The following CCDC192 variants were observed in gnomAD, a reference collection of about 807,000 sequenced individuals.
CCDC192 encodes coiled-coil domain-containing protein 192.
chr5:127,746,105 G>A (rs1192735660), intron 2 of CCDC192, among the ~76,000 whole-genome samples: 1 of 152,238 alleles, frequency 6.6e-6, no homozygotes, highest in Non-Finnish European at 1.5e-5. Flanking sequence ...GGGAGTGGGA[G>A]AAGCTGAAAG....
At chr5:127,872,646 G>A (rs1009916544) in intron 5 of CCDC192, among the ~76,000 whole-genome samples, 1 of 152,142 alleles carries the variant, frequency 6.6e-6, no homozygotes, top group African/African-American at 2.4e-5. Flanking sequence ...ATCCTATCCT[G>A]TTCTGGATGC....
rs1320883107 is a variant in CCDC192, at chr5:127,887,084, T to C, written c.535+11423T>C. Among the ~76,000 whole-genome samples the C allele has an allele frequency of 4.6e-5, 7 of 152,242 alleles. No individual in the cohort carries two copies. The East Asian group carries it at 1.3e-3, about 29-fold the overall frequency. On this transcript the variant is annotated intron_variant, in intron 6 of 6. Coordinates refer to ENST00000514853, the MANE Select transcript of CCDC192 (RefSeq NM_001317938.2). The stretch of plus-strand genomic sequence containing the variant: ...GGCTCACACCTGTAATCCCAGCACT[T>C]TGGGAGGCCGAGGCAGGCTGATCAC...
intron 2 of CCDC192, among the ~76,000 whole-genome samples, chr5:127,714,157 G>T (rs757622615): frequency 1.5e-4 from 23 of 152,104 alleles, no homozygotes; most frequent in Non-Finnish European, 2.4e-4. Context: ...CTATGTTACT[G>T]CAAATGGCAC....
At chr5:127,737,381 T>C (rs1162529949) in intron 2 of CCDC192, among the ~76,000 whole-genome samples, 1 of 152,100 alleles carries the variant, frequency 6.6e-6, no homozygotes, top group Admixed American at 6.5e-5. Context: ...AGATGTGGTG[T>C]GGTGCTGAAA....
At chr5:127,928,684 G>A (rs184193239) in intron 6 of CCDC192, among the ~76,000 whole-genome samples, 4 of 152,196 alleles carry the variant, frequency 2.6e-5, no homozygotes, top group Non-Finnish European at 5.9e-5. Context: ...ACTCTTCCAA[G>A]CTTGCTGAGA....
chr5:127,887,646 A>C, intron 6 of CCDC192, among the ~76,000 whole-genome samples: 1 of 151,794 alleles, frequency 6.6e-6, no homozygotes, highest in Non-Finnish European at 1.5e-5. Flanking sequence ...ACAACCAGAC[A>C]TTATTCATTT....
At chr5:127,872,331 C>G (rs1751897640) in intron 5 of CCDC192, among the ~76,000 whole-genome samples, 1 of 152,166 alleles carries the variant, frequency 6.6e-6, no homozygotes, top group Non-Finnish European at 1.5e-5. Context: ...TCACATTATC[C>G]TTGAATTCTA....
rs1156689783 is a variant in CCDC192 at position 127,875,566 on chromosome 5, A to T, written c.440A>T (p.Lys147Ile). Residue 147 changes from lysine (K) to isoleucine (I), a missense_variant, in exon 6 of 7, where the codon AAA becomes ATA. By Grantham distance (102) the Lys-to-Ile change is moderately radical. Coordinates refer to ENST00000514853, the MANE Select transcript of CCDC192 (RefSeq NM_001317938.2). ...QKLKHEKKVK[K>I]LQTDLATANA... ...CTAAAGCATGAAAAGAAAGTGAAAA[A>T]ACTACAGACTGATTTGGCAACAGCT... The T allele has an allele frequency of 2.5e-6, 1 of 398,550 alleles. No homozygotes were observed. Among genetic ancestry groups the T allele is most frequent in the Non-Finnish European group, 4.4e-6 (1 of 225,998 alleles). The allele number at this position is 398,550 out of a possible 1,614,324, so 24.7% of individuals were successfully genotyped here.
At position 127,902,815 on chromosome 5, in the gene CCDC192, T is replaced by C. The variant is rs189972659; in HGVS notation, c.535+27154T>C. Among the ~76,000 whole-genome samples the C allele has an allele frequency of 3.9e-5, 6 of 152,330 alleles. No individual in the cohort carries two copies. In the East Asian group the frequency reaches 1.2e-3, roughly 29 times the overall value. The stretch of plus-strand genomic sequence containing the variant: ...GGCAGATAGAGCTTGTGAAGTACCC[T>C]AGTGCTTCAGCAATGGCTTTGAGAG... On this transcript the variant is annotated intron_variant, in intron 6 of 6. Transcript: ENST00000514853.
chr5:127,927,747 G>T (rs950749262), intron 6 of CCDC192, among the ~76,000 whole-genome samples: 4 of 152,088 alleles, frequency 2.6e-5, no homozygotes, highest in African/African-American at 9.7e-5. Context: ...GTTGCCCTTA[G>T]TTGCAATCCA....
At chr5:127,932,807 C>A (rs975402028) in intron 6 of CCDC192, among the ~76,000 whole-genome samples, 1 of 152,076 alleles carries the variant, frequency 6.6e-6, no homozygotes, top group South Asian at 2.1e-4. Flanking sequence ...AGAGTGACTG[C>A]AAACAAGATA....
At chr5:127,763,673 A>C (rs1448639008) in intron 3 of CCDC192, among the ~76,000 whole-genome samples, 1 of 151,202 alleles carries the variant, frequency 6.6e-6, no homozygotes, top group Non-Finnish European at 1.5e-5. Context: ...ACCTTACACC[A>C]CTCCCTGTAT....
At chr5:127,714,090 G>A (rs541943450) in intron 2 of CCDC192, among the ~76,000 whole-genome samples, 22 of 152,200 alleles carry the variant, frequency 1.4e-4, no homozygotes, top group African/African-American at 5.3e-4. Context: ...AGATTATGCA[G>A]TATTTGTCTT....
intron 6 of CCDC192, among the ~76,000 whole-genome samples, chr5:127,893,913 GA>G (rs574205561): frequency 2.2e-3 from 327 of 149,710 alleles, no homozygotes; most frequent in African/African-American, 7.6e-3. Context: ...TGAAATTAAA[GA>G]AAAAAAAATT....
intron 2 of CCDC192, among the ~76,000 whole-genome samples, chr5:127,739,219 G>A (rs1753238573): frequency 6.6e-6 from 1 of 152,142 alleles, no homozygotes. Context: ...CCTGCTGGGG[G>A]GTGCCTCCCA....
chr5:127,932,170 A>AG (rs1327605679), intron 6 of CCDC192, among the ~76,000 whole-genome samples: 1 of 151,442 alleles, frequency 6.6e-6, no homozygotes. Context: ...AAAAAAAAAA[A>AG]GTAAACTCAG....
rs138104295 is a variant in CCDC192, at chr5:127,890,546, G to A, written c.535+14885G>A. On this transcript the variant is annotated intron_variant, in intron 6 of 6. Transcript: ENST00000514853. ...CCTTCATCTAGCCATCTAGAGCTTC[G>A]TTATCTAATCTCTGGTCCTTCACAG... Among the ~76,000 whole-genome samples the A allele has an allele frequency of 8.7e-3, 1,313 of 151,078 alleles. 4 individuals carry two copies. The highest frequency in any genetic ancestry group is 0.014 in the Non-Finnish European group (983 of 67,902).
At chr5:127,810,627 T>C (rs988400348) in intron 5 of CCDC192, among the ~76,000 whole-genome samples, 1 of 152,064 alleles carries the variant, frequency 6.6e-6, no homozygotes, top group Admixed American at 6.6e-5. Context: ...AGCGCATCCA[T>C]GGAATAAAAT....
At chr5:127,744,001 G>A (rs812059) in intron 2 of CCDC192, among the ~76,000 whole-genome samples, 42,037 of 150,942 alleles carry the variant, frequency 0.28, 6,605 homozygotes, top group South Asian at 0.42. Flanking sequence ...GGCTGAGGCA[G>A]GAGAATGGCA....
Sources: allele counts gnomAD v4.1 joint callset (sites outside exome capture counted in the v4.1 genomes callset), GRCh38; gene constraint gnomAD v4.1.1; transcripts MANE v1.5; gene names NCBI Gene and HGNC (gene_info 2026-07-23, HGNC 2026-07-21).